Variants in DIAPH3 observed in about 807,000 individuals in gnomAD.
The protein encoded by DIAPH3 is diaphanous related formin 3, also known as protein diaphanous homolog 3.
DIAPH3 carries 117 observed loss-of-function variants against 144.3 expected under a neutral mutation model. The ratio of observed to expected loss-of-function variants is 0.81; its 90% CI spans 0.70 to 0.95. The LOEUF is 0.95. Ranked by LOEUF, DIAPH3 falls within the 40% of genes least tolerant of loss-of-function variation. The pLI is 0.00. For synonymous variants in DIAPH3, 519 were observed against 488.9 expected (o/e 1.06, Z -0.81); for missense variants, 1,421 against 1,412.7 (o/e 1.01, Z -0.09).
intron 27 of DIAPH3, among the ~76,000 whole-genome samples, chr13:59,704,610 T>C (rs2034311596): frequency 6.6e-6 from 1 of 152,246 alleles, no homozygotes; most frequent in African/African-American, 2.4e-5. Flanking sequence ...AACTGCATTT[T>C]TACTATACCT....
chr13:59,852,517 C>T (rs1464021361), intron 22 of DIAPH3, among the ~76,000 whole-genome samples: 1 of 152,078 alleles, frequency 6.6e-6, no homozygotes, highest in Non-Finnish European at 1.5e-5. Context: ...AATCTTATGT[C>T]AAAGTTCAAA....
chr13:59,860,696 C>T (rs990933396), intron 22 of DIAPH3, among the ~76,000 whole-genome samples: 10 of 151,732 alleles, frequency 6.6e-5, no homozygotes, highest in Non-Finnish European at 1.5e-4. Context: ...CAAGATCACG[C>T]CACTGCACTC....
intron 27 of DIAPH3, among the ~76,000 whole-genome samples, chr13:59,687,319 C>G (rs2033270525): frequency 6.6e-6 from 1 of 152,050 alleles, no homozygotes; most frequent in Non-Finnish European, 1.5e-5. Flanking sequence ...TCATCCAAGT[C>G]TAAAAATCAG....
chr13:59,673,665 T>C (rs935387386), intron 27 of DIAPH3, among the ~76,000 whole-genome samples: 5 of 152,298 alleles, frequency 3.3e-5, no homozygotes, highest in African/African-American at 1.2e-4. Context: ...CAAATGATTA[T>C]CAGCCTGATT....
chr13:59,800,155 T>C (rs964187066), intron 25 of DIAPH3, among the ~76,000 whole-genome samples: 1 of 152,162 alleles, frequency 6.6e-6, no homozygotes, highest in Non-Finnish European at 1.5e-5. Context: ...CTCCCCCATA[T>C]AGAAACCCTC....
chr13:59,871,572 A>G (rs2044282229), intron 21 of DIAPH3, among the ~76,000 whole-genome samples: 1 of 152,154 alleles, frequency 6.6e-6, no homozygotes, highest in Non-Finnish European at 1.5e-5. Flanking sequence ...CTCATTGATG[A>G]TGATAGATTA....
At chr13:60,047,459 T>C (rs1594504681) in intron 4 of DIAPH3, among the ~76,000 whole-genome samples, 2 of 152,180 alleles carry the variant, frequency 1.3e-5, no homozygotes, top group South Asian at 2.1e-4. Flanking sequence ...TATAAATCTA[T>C]AGTAATCAAA....
rs139590099 is a variant in DIAPH3 at position 60,015,187 on chromosome 13, C to T, written c.771+726G>A. ...TTTGTTTTACTTTTTGTAGAGATGG[C>T]GTCTCACTATGTTGCCCAGGCTGGT... On this transcript the variant is annotated intron_variant, in intron 7 of 27. Transcript: ENST00000400324. Among the ~76,000 whole-genome samples, 263 of 152,024 alleles carry T rather than the reference C, an allele frequency of 1.7e-3. 1 individual carries two copies. Among genetic ancestry groups the T allele is most frequent in the African/African-American group, 5.9e-3 (243 of 41,484 alleles).
chr13:59,790,607 A>T (rs1593862777), intron 25 of DIAPH3, among the ~76,000 whole-genome samples: 1 of 152,204 alleles, frequency 6.6e-6, no homozygotes, highest in Non-Finnish European at 1.5e-5. Context: ...ATTAGTATTA[A>T]ACACAGAGGA....
intron 17 of DIAPH3, among the ~76,000 whole-genome samples, chr13:59,965,178 ATTTGTT>A (rs1226812912): frequency 3.3e-5 from 5 of 152,120 alleles, no homozygotes; most frequent in African/African-American, 9.7e-5. Flanking sequence ...TCTAAGCTTG[ATTTGTT>A]TTTAAGTGGA....
chr13:59,953,367 C>T (rs1477535877), intron 17 of DIAPH3, among the ~76,000 whole-genome samples: 2 of 152,112 alleles, frequency 1.3e-5, no homozygotes, highest in Non-Finnish European at 2.9e-5. Flanking sequence ...GAAGCTTCAG[C>T]ATTTTCCAGA....
intron 2 of DIAPH3, 85 bp from the exon 3 acceptor site, chr13:60,112,271 G>T: frequency 1.4e-6 from 2 of 1,456,404 alleles, no homozygotes; most frequent in Non-Finnish European, 1.9e-6. Flanking sequence ...AAACAAAGAG[G>T]GCCAATCGTG....
chr13:59,774,910 G>T (rs552161227), intron 25 of DIAPH3, 87 bp from the exon 26 acceptor site: 2 of 1,104,880 alleles, frequency 1.8e-6, no homozygotes, highest in Non-Finnish European at 2.8e-6. Flanking sequence ...TGATGGTGAT[G>T]GTAGGGAGAA....
intron 27 of DIAPH3, among the ~76,000 whole-genome samples, chr13:59,700,090 A>C (rs2034016742): frequency 6.6e-6 from 1 of 152,234 alleles, no homozygotes; most frequent in Non-Finnish European, 1.5e-5. Context: ...TTCTGAAAGA[A>C]AAAACTTGCT....
intron 25 of DIAPH3, among the ~76,000 whole-genome samples, chr13:59,778,432 G>GCTAAATTAGCTAAATATATGTTGA (rs1394726536): frequency 6.6e-6 from 1 of 152,146 alleles, no homozygotes; most frequent in Admixed American, 6.5e-5. Context: ...ATATATGCTG[G>GCTAAATTAGCTAAATATATGTTGA]CTAAATTAGC....
intron 10 of DIAPH3, 48 bp downstream of exon 10, chr13:59,992,425 A>C: frequency 4.9e-6 from 7 of 1,438,724 alleles, no homozygotes; most frequent in African/African-American, 1.4e-5. Flanking sequence ...CCCCTACTCA[A>C]GTACTCTTTT....
chr13:59,666,064 T>C lies in DIAPH3; in HGVS notation c.*520A>G, dbSNP rs966808828. 2 of 154,342 alleles carry C rather than the reference T, an allele frequency of 1.3e-5. No individual in the cohort carries two copies. Among genetic ancestry groups the C allele is most frequent in the African/African-American group, 2.4e-5 (1 of 41,454 alleles). 9.6% of individuals were successfully genotyped at this position (154,342 alleles called of 1,614,324 possible). A position where few individuals can be genotyped will look rare whatever the true frequency, so the allele number is the denominator to read the frequency against. On this transcript the variant is annotated 3_prime_UTR_variant, in exon 28 of 28. Transcript: ENST00000400324. ...AGTCATTTCCTTACATATATAGCTC[T>C]GATGTATTCAATTACATGTTTTTGA...
At chr13:60,066,938 A>T (rs1418471284) in intron 4 of DIAPH3, among the ~76,000 whole-genome samples, 3 of 152,224 alleles carry the variant, frequency 2.0e-5, no homozygotes, top group Non-Finnish European at 2.9e-5. Context: ...AAGGAACTAT[A>T]TGTTTATGGA....
intron 25 of DIAPH3, among the ~76,000 whole-genome samples, chr13:59,793,120 C>G (rs2039410805): frequency 6.6e-6 from 1 of 152,204 alleles, no homozygotes; most frequent in Admixed American, 6.5e-5. Context: ...TAACTTCCCA[C>G]CATCAAACCT....
Sources: gnomAD v4.1 joint callset for allele counts (sites outside exome capture counted in the v4.1 genomes callset) on GRCh38, gnomAD v4.1.1 for gene constraint, MANE v1.5 for transcripts, NCBI Gene and HGNC (gene_info 2026-07-23, HGNC 2026-07-21) for gene names.